Variants in PPARGC1B observed in about 807,000 individuals in gnomAD.
PPARGC1B encodes peroxisome proliferator-activated receptor gamma coactivator 1-beta.
A neutral mutation model predicts 101.6 loss-of-function variants in PPARGC1B; 34 were observed. The ratio of observed to expected loss-of-function variants is 0.33; its 90% CI spans 0.25 to 0.45. The LOEUF is 0.45. PPARGC1B is among the 20% of genes least tolerant of loss of function. The pLI, the probability that PPARGC1B is intolerant of heterozygous loss-of-function variation, is 1.00. For synonymous variants in PPARGC1B, 548 were observed against 539.3 expected (o/e 1.02, Z -0.22); for missense variants, 1,234 against 1,317.6 (o/e 0.94, Z 0.98).
intron 9 of PPARGC1B, among the ~76,000 whole-genome samples, chr5:149,840,527 T>G (rs566732290): frequency 2.0e-5 from 3 of 152,168 alleles, no homozygotes; most frequent in Non-Finnish European, 4.4e-5. Context: ...CGAGCCTCAC[T>G]TTTCCTCATT....
chr5:149,743,354 C>T lies in PPARGC1B; in HGVS notation c.78+12934C>T, dbSNP rs568149033. ...TATTTTTAGTGGAGATGGGATTTCT[C>T]CATATTGGCCAGGCTGGTCTCGAAC... is the stretch of plus-strand genomic sequence containing the variant. On this transcript the variant is annotated intron_variant, in intron 1 of 11. Transcript: ENST00000309241. 3.3e-5 allele frequency among the ~76,000 whole-genome samples: 5 copies of T among 152,144 alleles called. No homozygotes were observed. In the East Asian group the frequency reaches 9.7e-4, roughly 29 times the overall value.
chr5:149,773,292 G>A (rs1756216571), intron 1 of PPARGC1B, among the ~76,000 whole-genome samples: 1 of 152,254 alleles, frequency 6.6e-6, no homozygotes, highest in South Asian at 2.1e-4. Flanking sequence ...ACAAAGCTGT[G>A]CCTCCTGAAG....
At chr5:149,835,585 C>A (rs1759020761) in intron 7 of PPARGC1B, among the ~76,000 whole-genome samples, 1 of 152,234 alleles carries the variant, frequency 6.6e-6, no homozygotes, top group African/African-American at 2.4e-5. Context: ...AATGAACCAG[C>A]ATTACAGGCG....
intron 1 of PPARGC1B, among the ~76,000 whole-genome samples, chr5:149,797,233 G>A (rs1011868096): frequency 1.3e-5 from 2 of 152,220 alleles, no homozygotes; most frequent in Admixed American, 1.3e-4. Flanking sequence ...CATTGACAGT[G>A]TGCCAGGCAC....
intron 1 of PPARGC1B, among the ~76,000 whole-genome samples, chr5:149,760,152 C>T (rs1043094715): frequency 1.2e-4 from 19 of 152,234 alleles, no homozygotes; most frequent in Admixed American, 7.2e-4. Flanking sequence ...GTACTCAGCA[C>T]CATGGACACG....
At chr5:149,830,292 G>A (rs550467124) in intron 3 of PPARGC1B, among the ~76,000 whole-genome samples, 5 of 151,144 alleles carry the variant, frequency 3.3e-5, no homozygotes, top group South Asian at 4.2e-4. Flanking sequence ...CTTAATTTAA[G>A]AAATTAATTT....
chr5:149,761,992 T>G (rs922029026), intron 1 of PPARGC1B, among the ~76,000 whole-genome samples: 1 of 152,302 alleles, frequency 6.6e-6, no homozygotes, highest in Non-Finnish European at 1.5e-5. Flanking sequence ...GATATCTGCC[T>G]ATCCTTTGCT....
rs746637664 is a variant in PPARGC1B at position 149,820,427 on chromosome 5, C to A, written c.79-6C>A. The A allele has an allele frequency of 2.5e-6, 4 of 1,613,254 alleles. No homozygotes were observed. The highest frequency in any genetic ancestry group is 2.5e-6 in the Non-Finnish European group (3 of 1,179,584). On this transcript the variant is annotated splice_region_variant and splice_polypyrimidine_tract_variant and intron_variant, in intron 1 of 11. Coordinates refer to ENST00000309241, the MANE Select transcript of PPARGC1B (RefSeq NM_133263.4). ...TGATCCACCTCTTTCCTTCCTGTCT[C>A]CTCAGGGTGGAGGGTCCGGGGAGGA... is the stretch of plus-strand genomic sequence containing the variant.
chr5:149,784,963 T>C (rs1756747619), intron 1 of PPARGC1B, among the ~76,000 whole-genome samples: 1 of 152,194 alleles, frequency 6.6e-6, no homozygotes, highest in Non-Finnish European at 1.5e-5. Context: ...GGGACTCTCT[T>C]TATCACTGCT....
chr5:149,769,377 G>A (rs910766822), intron 1 of PPARGC1B, among the ~76,000 whole-genome samples: 2 of 152,270 alleles, frequency 1.3e-5, no homozygotes, highest in South Asian at 2.1e-4. Context: ...ACTGCATAAC[G>A]TCTTATACTT....
intron 9 of PPARGC1B, 86 bp from the exon 10 acceptor site, chr5:149,842,170 C>A: frequency 6.5e-7 from 1 of 1,537,760 alleles, no homozygotes; most frequent in South Asian, 1.2e-5. Flanking sequence ...TGGACTAGGA[C>A]AAGGACTCCA....
At chr5:149,737,846 T>C (rs1053647560) in intron 1 of PPARGC1B, among the ~76,000 whole-genome samples, 2 of 151,946 alleles carry the variant, frequency 1.3e-5, no homozygotes, top group Non-Finnish European at 2.9e-5. Context: ...ATACAAAAAT[T>C]AGCCGGGCAT....
At chr5:149,753,801 C>A (rs1272502230) in intron 1 of PPARGC1B, among the ~76,000 whole-genome samples, 3 of 152,192 alleles carry the variant, frequency 2.0e-5, no homozygotes, top group South Asian at 4.1e-4. Flanking sequence ...ACAAGCAATT[C>A]TCCTGCCTCA....
At chr5:149,773,227 T>G (rs1299130969) in intron 1 of PPARGC1B, among the ~76,000 whole-genome samples, 5 of 152,248 alleles carry the variant, frequency 3.3e-5, no homozygotes, top group Admixed American at 1.3e-4. Context: ...TCGTGTCTTG[T>G]GCAGCCAGAT....
chr5:149,737,097 T>A (rs1414485838), intron 1 of PPARGC1B, among the ~76,000 whole-genome samples: 4 of 152,196 alleles, frequency 2.6e-5, no homozygotes, highest in African/African-American at 9.7e-5. Context: ...TGACAACCAC[T>A]GATCTTTTTA....
chr5:149,841,042 GC>G (rs772857027), intron 9 of PPARGC1B, among the ~76,000 whole-genome samples: 1 of 152,144 alleles, frequency 6.6e-6, no homozygotes, highest in Non-Finnish European at 1.5e-5. Context: ...GAGGGATGAG[GC>G]CCCCCTTCTG....
rs145010261 is a variant in PPARGC1B at position 149,742,591 on chromosome 5, A to G, written c.78+12171A>G. On this transcript the variant is annotated intron_variant, in intron 1 of 11. Transcript: ENST00000309241. The stretch of plus-strand genomic sequence containing the variant: ...TTTATTATTATTATTCATAACAGTA[A>G]TAATATAAAAGAGCCAACACTTAGA... 6.3e-3 allele frequency among the ~76,000 whole-genome samples: 954 copies of G among 152,298 alleles called. 10 individuals carry two copies. The highest frequency in any genetic ancestry group is 0.022 in the African/African-American group (906 of 41,544).
At chr5:149,845,200 G>A (rs563580172) in intron 10 of PPARGC1B, among the ~76,000 whole-genome samples, 8 of 152,326 alleles carry the variant, frequency 5.3e-5, no homozygotes, top group South Asian at 2.1e-4. Flanking sequence ...GGCAAGATGC[G>A]TGCAGAAGAC....
At chr5:149,805,966 C>T (rs1047038530) in intron 1 of PPARGC1B, among the ~76,000 whole-genome samples, 14 of 152,260 alleles carry the variant, frequency 9.2e-5, no homozygotes, top group Admixed American at 8.5e-4. Flanking sequence ...CCAGCTCCCA[C>T]GCTGTGCAGC....
Sources: allele counts gnomAD v4.1 joint callset (sites outside exome capture counted in the v4.1 genomes callset), GRCh38; gene constraint gnomAD v4.1.1; transcripts MANE v1.5; gene names NCBI Gene and HGNC (gene_info 2026-07-23, HGNC 2026-07-21).